The following ANKRD6 variants were observed in gnomAD, a reference collection of about 807,000 sequenced individuals.
The protein encoded by ANKRD6 is ankyrin repeat domain 6.
ANKRD6 carries 56 observed loss-of-function variants against 82.3 expected under a neutral mutation model. The observed-to-expected ratio is 0.68, with a 90% CI of 0.55 to 0.85. The LOEUF is 0.85. Ranked by LOEUF, ANKRD6 falls within the 40% of genes least tolerant of loss-of-function variation. The pLI is 0.00. For synonymous variants in ANKRD6, 347 were observed against 352.1 expected (o/e 0.99, Z 0.16); for missense variants, 852 against 907.6 (o/e 0.94, Z 0.79).
intron 1 of ANKRD6, among the ~76,000 whole-genome samples, chr6:89,547,030 C>T (rs964516882): frequency 5.9e-5 from 9 of 152,250 alleles, no homozygotes; most frequent in South Asian, 2.1e-4. Context: ...GACGTGATCA[C>T]GGCTCATTGC....
chr6:89,602,934 C>T (rs570520600), intron 3 of ANKRD6, 95 bp from the exon 4 acceptor site: 11 of 1,008,002 alleles, frequency 1.1e-5, no homozygotes, highest in African/African-American at 6.4e-5. Context: ...TGTGTGGGGA[C>T]GGGAGGGGTC....
intron 1 of ANKRD6, among the ~76,000 whole-genome samples, chr6:89,446,754 A>C (rs1321378028): frequency 6.6e-6 from 1 of 152,052 alleles, no homozygotes; most frequent in Non-Finnish European, 1.5e-5. Context: ...TAGCTCCCAT[A>C]ATCCCCATGT....
In ANKRD6 at chr6:89,624,041, A is replaced by G. The variant is rs1487172207; in HGVS notation, c.1202A>G (p.Asp401Gly). 2 of 1,604,574 alleles carry G rather than the reference A, an allele frequency of 1.2e-6. No homozygotes were observed. Among genetic ancestry groups the G allele is most frequent in the Non-Finnish European group, 8.5e-7 (1 of 1,176,158 alleles). The change falls in exon 12 of 16, where the codon GAT (aspartate) becomes GGT (glycine). Residue 401 changes from aspartate (D) to glycine (G), a missense_variant. Asp to Gly is a moderately conservative substitution (Grantham distance 94, BLOSUM62 -1). Transcript: ENST00000339746. ...YQLYTLYRGK[D>G]GKVMQAPING... ...CTCTACACATTGTACCGGGGCAAGG[A>G]TGGGAAAGTGATGCAGGTACCTGCA...
intron 1 of ANKRD6, among the ~76,000 whole-genome samples, chr6:89,545,212 C>CAA (rs754348482): frequency 0.15 from 13,168 of 85,738 alleles, 969 homozygotes; most frequent in East Asian, 0.32. Context: ...GACTCCATCT[C>CAA]AAAAAAAAAA....
intron 2 of ANKRD6, among the ~76,000 whole-genome samples, chr6:89,587,485 C>T (rs113950226): frequency 0.1 from 15,613 of 152,160 alleles, 992 homozygotes; most frequent in Middle Eastern, 0.17. Flanking sequence ...GAGACTTCAT[C>T]TCAAAAAACA....
At chr6:89,624,100 A>G (rs1041951518) in intron 12 of ANKRD6, 43 bp downstream of exon 12, 29 of 1,551,222 alleles carry the variant, frequency 1.9e-5, no homozygotes, top group Non-Finnish European at 2.5e-5. Context: ...ATAGGCCTTC[A>G]GCAAGGGTTT....
In ANKRD6 at chr6:89,591,890, C is replaced by A. The variant is rs2128142011; in HGVS notation, c.121-4026C>A. Among the ~76,000 whole-genome samples, 4 of 152,280 alleles carry A rather than the reference C, an allele frequency of 2.6e-5. No homozygotes were observed. In the South Asian group the frequency reaches 8.3e-4, roughly 32 times the overall value. On this transcript the variant is annotated intron_variant, in intron 2 of 15. Coordinates refer to ENST00000339746, the MANE Select transcript of ANKRD6 (RefSeq NM_001242809.2). Reference sequence around the variant, plus strand: ...CCAAGAATGTGCAGGGAACACAGCCCCTCCTCAGAAAAGCTCCTGTACCAT... The same window carrying A: ...CCAAGAATGTGCAGGGAACACAGCCACTCCTCAGAAAAGCTCCTGTACCAT...
intron 3 of ANKRD6, among the ~76,000 whole-genome samples, chr6:89,600,071 C>T (rs1796774567): frequency 6.6e-6 from 1 of 152,182 alleles, no homozygotes; most frequent in African/African-American, 2.4e-5. Context: ...CTCGCCGCAA[C>T]CTCACACAAG....
intron 1 of ANKRD6, among the ~76,000 whole-genome samples, chr6:89,474,855 G>A (rs1210919723): frequency 6.6e-6 from 1 of 152,218 alleles, no homozygotes; most frequent in Non-Finnish European, 1.5e-5. Flanking sequence ...TGGGAAGCCT[G>A]ACAAACCTAA....
At chr6:89,466,334 C>G (rs1320801245) in intron 1 of ANKRD6, among the ~76,000 whole-genome samples, 1 of 152,044 alleles carries the variant, frequency 6.6e-6, no homozygotes, top group Non-Finnish European at 1.5e-5. Flanking sequence ...GGTTACTTTC[C>G]TTGAAGAGAA....
chr6:89,462,866 T>G (rs1366000755), intron 1 of ANKRD6, among the ~76,000 whole-genome samples: 1 of 135,926 alleles, frequency 7.4e-6, no homozygotes, highest in Non-Finnish European at 1.6e-5. Context: ...GAGTTTTTAG[T>G]TTTTTTTTTT....
intron 1 of ANKRD6, among the ~76,000 whole-genome samples, chr6:89,468,786 T>C (rs932840966): frequency 2.6e-5 from 4 of 152,182 alleles, no homozygotes; most frequent in Admixed American, 2.6e-4. Flanking sequence ...TTGACAAATA[T>C]AGATGCTTTC....
chr6:89,555,105 C>T (rs1381696641), intron 1 of ANKRD6, among the ~76,000 whole-genome samples: 1 of 133,664 alleles, frequency 7.5e-6, no homozygotes, highest in Non-Finnish European at 1.6e-5. Flanking sequence ...TCTCTCCCCC[C>T]TCCCCCGCCT....
rs185268027 is a variant in ANKRD6, at chr6:89,603,928, G to A, written c.318+801G>A. 2.8e-4 allele frequency among the ~76,000 whole-genome samples: 43 copies of A among 152,360 alleles called. No individual in the cohort carries two copies. The East Asian group carries it at 7.7e-3, about 27-fold the overall frequency. On this transcript the variant is annotated intron_variant, in intron 4 of 15. Transcript: ENST00000339746. ...TGAGATGGGAGGATTGCTAAGCCCA[G>A]GAGGTTGAAGCTGCAGTGAGCCATG...
intron 1 of ANKRD6, among the ~76,000 whole-genome samples, chr6:89,444,844 T>C (rs1771862855): frequency 6.6e-6 from 1 of 152,130 alleles, no homozygotes; most frequent in Non-Finnish European, 1.5e-5. Flanking sequence ...GGCGCACACC[T>C]GTAGTCCCAG....
intron 1 of ANKRD6, among the ~76,000 whole-genome samples, chr6:89,505,349 A>G (rs1779721332): frequency 6.6e-6 from 1 of 152,230 alleles, no homozygotes; most frequent in Non-Finnish European, 1.5e-5. Context: ...GTGAATAAGT[A>G]AGGGATCAGC....
At chr6:89,463,753 G>A (rs1378173779) in intron 1 of ANKRD6, among the ~76,000 whole-genome samples, 1 of 152,092 alleles carries the variant, frequency 6.6e-6, no homozygotes, top group Admixed American at 6.5e-5. Context: ...GCTTCACCAT[G>A]TCTGGCAGGC....
chr6:89,575,404 G>A (rs992481955), intron 2 of ANKRD6, among the ~76,000 whole-genome samples: 7 of 152,066 alleles, frequency 4.6e-5, no homozygotes, highest in South Asian at 2.1e-4. Context: ...TGCTTGTGAG[G>A]CCTTCCTTTT....
Position 89,627,678 on chromosome 6 carries a change from T to C in ANKRD6, c.1467T>C (p.His489=). 2.5e-6 allele frequency: 4 copies of C among 1,613,624 alleles called. No individual in the cohort carries two copies. Among genetic ancestry groups the C allele is most frequent in the Non-Finnish European group, 3.4e-6 (4 of 1,179,724 alleles). ...RLQQHSDTEK[H]EGEKRQISLV... The stretch of plus-strand genomic sequence containing the variant: ...AACAGCACTCAGACACAGAGAAGCA[T>C]GAGGGGGAGAAACGACAGGTAGGAA... Residue 489 remains histidine (H), a synonymous_variant, in exon 14 of 16, where the codon CAT becomes CAC. Transcript: ENST00000339746.
Sources: gnomAD v4.1 joint callset for allele counts (sites outside exome capture counted in the v4.1 genomes callset) on GRCh38, gnomAD v4.1.1 for gene constraint, MANE v1.5 for transcripts, NCBI Gene and HGNC (gene_info 2026-07-23, HGNC 2026-07-21) for gene names.